Variants in RPF2 observed in about 807,000 individuals in gnomAD.
The protein encoded by RPF2 is brix domain containing 1.
A neutral mutation model predicts 38.9 loss-of-function variants in RPF2; 21 were observed. The observed-to-expected ratio is 0.54, with a 90% confidence interval of 0.38 to 0.78. The LOEUF (loss-of-function observed/expected upper bound fraction) is 0.78, where lower values mean the gene tolerates loss of function less well. Among genes scored for constraint, RPF2 ranks in the 30% least tolerant of loss-of-function variants. RPF2 has a pLI of 0.00. For synonymous variants in RPF2, 121 were observed against 126.2 expected (o/e 0.96, Z 0.28); for missense variants, 314 against 358.1 (o/e 0.88, Z 0.99).
intron 2 of RPF2, among the ~76,000 whole-genome samples, chr6:110,985,830 C>T (rs1248994641): frequency 3.3e-5 from 5 of 150,590 alleles, no homozygotes; most frequent in African/African-American, 9.8e-5. Flanking sequence ...CCCAGTTGCT[C>T]GGGAGGCTGA....
chr6:111,023,780 G>T (rs1772273050), intron 8 of RPF2, among the ~76,000 whole-genome samples: 1 of 152,152 alleles, frequency 6.6e-6, no homozygotes, highest in Admixed American at 6.5e-5. Context: ...GAGGTCAGGA[G>T]AGCGAGACCA....
At chr6:110,984,457 G>C (rs886348547) in intron 1 of RPF2, among the ~76,000 whole-genome samples, 1 of 151,940 alleles carries the variant, frequency 6.6e-6, no homozygotes, top group Non-Finnish European at 1.5e-5. Context: ...AGAATGGTGG[G>C]AATACAAAAA....
intron 5 of RPF2, among the ~76,000 whole-genome samples, chr6:110,998,584 TATTG>T (rs1313321780): frequency 1.3e-5 from 2 of 152,110 alleles, no homozygotes; most frequent in African/African-American, 2.4e-5. Flanking sequence ...GTTTACAGCT[TATTG>T]ATTACTCCTG....
intron 4 of RPF2, among the ~76,000 whole-genome samples, chr6:110,995,940 C>T (rs1410150611): frequency 2.0e-5 from 3 of 151,938 alleles, no homozygotes; most frequent in Non-Finnish European, 2.9e-5. Flanking sequence ...CCTCAGCCTC[C>T]CAAGTAGGTG....
intron 8 of RPF2, among the ~76,000 whole-genome samples, chr6:111,016,245 A>C (rs565772784): frequency 1.9e-4 from 29 of 152,306 alleles, no homozygotes; most frequent in Non-Finnish European, 3.4e-4. Context: ...GGCTAGATTC[A>C]TTTCACTCTG....
At chr6:111,015,970 A>G (rs140234040) in intron 8 of RPF2, 114 bp downstream of exon 8, 3 of 753,342 alleles carry the variant, frequency 4.0e-6, no homozygotes, top group Middle Eastern at 2.4e-4. Flanking sequence ...GGTTTCTTGG[A>G]GAGTTGGCAG....
At chr6:110,984,917 G>GT (rs1342245950) in intron 1 of RPF2, 89 bp from the exon 2 acceptor site, 11 of 1,343,070 alleles carry the variant, frequency 8.2e-6, no homozygotes, top group South Asian at 2.9e-5. Context: ...TGACAAATAT[G>GT]TTTTTAAGAA....
Position 110,982,088 on chromosome 6 carries a change from G to C in RPF2, c.-19G>C. On this transcript the variant is annotated 5_prime_UTR_variant, in exon 1 of 10. Transcript: ENST00000441448. ...GCACGTGCATGCCCCCTGGTTAAGA[G>C]TTGCAGGTAGCGGTAGCGATGGACA... 1 of 1,614,218 alleles carries C rather than the reference G, an allele frequency of 6.2e-7. No individual in the cohort carries two copies. Among genetic ancestry groups the C allele is most frequent in the South Asian group, 1.1e-5 (1 of 91,086 alleles).
rs575129458 is a variant in RPF2 at position 111,019,978 on chromosome 6, A to C, written c.596+4122A>C. 2.0e-5 allele frequency among the ~76,000 whole-genome samples: 3 copies of C among 149,650 alleles called. No individual in the cohort carries two copies. The East Asian group carries it at 6.0e-4, about 30-fold the overall frequency. ...TGCCCAGGCTGGAGTGCAGTGACGCAATCTCAGCTCACTTCAGCCTCTGCC... is the reference window on the plus strand; with the variant it reads ...TGCCCAGGCTGGAGTGCAGTGACGCCATCTCAGCTCACTTCAGCCTCTGCC... On this transcript the variant is annotated intron_variant, in intron 8 of 9. Coordinates refer to ENST00000441448, the MANE Select transcript of RPF2 (RefSeq NM_032194.3).
intron 7 of RPF2, among the ~76,000 whole-genome samples, chr6:111,015,059 T>G (rs1486799270): frequency 6.6e-6 from 1 of 152,250 alleles, no homozygotes; most frequent in Non-Finnish European, 1.5e-5. Flanking sequence ...ATGACAGGCA[T>G]GAGCCACTGT....
At chr6:110,982,265 C>T (rs943129493) in intron 1 of RPF2, 136 bp downstream of exon 1, 5 of 973,856 alleles carry the variant, frequency 5.1e-6, no homozygotes, top group Non-Finnish European at 8.0e-6. Flanking sequence ...ATCACCAGCC[C>T]GGGTCCTCCT....
intron 8 of RPF2, among the ~76,000 whole-genome samples, chr6:111,021,963 G>T (rs971112863): frequency 6.6e-6 from 1 of 152,182 alleles, no homozygotes. Flanking sequence ...TCTTTTGGGT[G>T]AATAAATCAT....
intron 8 of RPF2, among the ~76,000 whole-genome samples, chr6:111,017,816 C>G (rs1184908709): frequency 6.6e-6 from 1 of 151,584 alleles, no homozygotes; most frequent in Non-Finnish European, 1.5e-5. Context: ...GGGGTGGCGG[C>G]CAGGCAGAGG....
chr6:110,995,111 C>T (rs1771690108), intron 4 of RPF2, among the ~76,000 whole-genome samples: 1 of 152,048 alleles, frequency 6.6e-6, no homozygotes, highest in African/African-American at 2.4e-5. Context: ...TGCCACGTTG[C>T]CTGGGCTGGT....
chr6:111,008,354 A>G (rs1157741641), intron 7 of RPF2, among the ~76,000 whole-genome samples: 4 of 151,934 alleles, frequency 2.6e-5, no homozygotes, highest in Admixed American at 6.6e-5. Context: ...CAGTTTTAGT[A>G]TATGCGCTGC....
Position 110,997,252 on chromosome 6 carries a change from A to C in RPF2, c.304A>C (p.Asn102His). The C allele has an allele frequency of 6.3e-7, 1 of 1,575,810 alleles. No homozygotes were observed. The highest frequency in any genetic ancestry group is 1.3e-5 in the African/African-American group (1 of 74,272). Residue 102 changes from asparagine (N) to histidine (H), a missense_variant, in exon 5 of 10, where the codon AAT becomes CAT. By Grantham distance (68) the Asn-to-His change is moderately conservative. Coordinates refer to ENST00000441448, the MANE Select transcript of RPF2 (RefSeq NM_032194.3). Reference protein sequence around the residue: ...FGSHNKKRPNNLVIGRMYDYH... With the variant: ...FGSHNKKRPNHLVIGRMYDYH... ...CTCCCATAATAAGAAGCGGCCAAAT[A>C]ATCTAGTAATAGGTAAGTATAATTT...
chr6:110,999,627 C>A, intron 5 of RPF2, 84 bp from the exon 6 acceptor site: 1 of 808,894 alleles, frequency 1.2e-6, no homozygotes, highest in Non-Finnish European at 2.1e-6. Flanking sequence ...GATATTAGGA[C>A]ATTTTGAATA....
intron 4 of RPF2, among the ~76,000 whole-genome samples, chr6:110,995,646 A>G (rs748933097): frequency 1.3e-5 from 2 of 152,132 alleles, no homozygotes; most frequent in Non-Finnish European, 2.9e-5. Flanking sequence ...TTTTCGTGCT[A>G]AAAGTGGTGA....
intron 2 of RPF2, among the ~76,000 whole-genome samples, chr6:110,987,834 A>G (rs1771550042): frequency 6.6e-6 from 1 of 151,970 alleles, no homozygotes; most frequent in South Asian, 2.1e-4. Flanking sequence ...GTTATTCTCT[A>G]TGGTAGAGCA....
Sources: gnomAD v4.1 joint callset for allele counts (sites outside exome capture counted in the v4.1 genomes callset) on GRCh38, gnomAD v4.1.1 for gene constraint, MANE v1.5 for transcripts, NCBI Gene and HGNC (gene_info 2026-07-23, HGNC 2026-07-21) for gene names.